TSC22D1: variants seen among roughly 807,000 people sequenced by gnomAD.
TSC22D1 encodes the protein TSC22 domain family protein 1.
In TSC22D1, 9 loss-of-function variants were observed where a neutral mutation model predicts 74.2. The observed-to-expected ratio is 0.12, with a 90% CI of 0.07 to 0.21. The LOEUF (loss-of-function observed/expected upper bound fraction) is 0.21. Ranked by LOEUF, TSC22D1 falls within the 10% of genes least tolerant of loss-of-function variation. The pLI is 1.00. For synonymous variants in TSC22D1, 586 were observed against 492.5 expected (o/e 1.19, Z -2.51); for missense variants, 1,427 against 1,304.7 (o/e 1.09, Z -1.44).
At chr13:44,555,939 A>G (rs1243538183) in intron 1 of TSC22D1, among the ~76,000 whole-genome samples, 2 of 152,134 alleles carry the variant, frequency 1.3e-5, no homozygotes, top group African/African-American at 4.8e-5. Flanking sequence ...ATACTAAATA[A>G]GTAAAATATC....
At chr13:44,517,766 T>TACATACAC (rs757726882) in intron 1 of TSC22D1, among the ~76,000 whole-genome samples, 18 of 128,480 alleles carry the variant, frequency 1.4e-4, no homozygotes, top group Non-Finnish European at 2.2e-4. Context: ...TGTGTGTGTA[T>TACATACAC]ATATATATAT....
At chr13:44,573,042 C>CATT in intron 1 of TSC22D1, 121 bp downstream of exon 1, 1 of 1,398,448 alleles carries the variant, frequency 7.2e-7, no homozygotes, top group South Asian at 1.5e-5. Context: ...CATAAAAATG[C>CATT]ATTTTTCACA....
chr13:44,576,101 A>G lies in TSC22D1; in HGVS notation c.-27T>C. The G allele has an allele frequency of 2.7e-6, 4 of 1,488,884 alleles. No individual in the cohort carries two copies. The highest frequency in any genetic ancestry group is 3.6e-6 in the Non-Finnish European group (4 of 1,126,098). 92.2% of individuals were successfully genotyped at this position (1,488,884 alleles called of 1,614,324 possible). On this transcript the variant is annotated 5_prime_UTR_variant, in exon 1 of 3. Transcript: ENST00000458659. ...GTGTTGGGTACCGGGGGCGCGGAGGAGACGAGTGCAATTTCCTTCTGCACC... is the reference window on the plus strand; with the variant it reads ...GTGTTGGGTACCGGGGGCGCGGAGGGGACGAGTGCAATTTCCTTCTGCACC...
chr13:44,444,086 C>T (rs1010902137), intron 1 of TSC22D1, among the ~76,000 whole-genome samples: 2 of 151,608 alleles, frequency 1.3e-5, no homozygotes, highest in African/African-American at 4.8e-5. Flanking sequence ...CAAGACCAGC[C>T]TGGCCAATAT....
chr13:44,572,708 A>G (rs530987604), intron 1 of TSC22D1, among the ~76,000 whole-genome samples: 34 of 152,354 alleles, frequency 2.2e-4, no homozygotes, highest in African/African-American at 7.7e-4. Flanking sequence ...GTAGGCAACA[A>G]TATCTTTCAC....
At position 44,546,050 on chromosome 13, in the gene TSC22D1, C is replaced by T. The variant is rs1881807747; in HGVS notation, c.2912+27113G>A. 3.3e-5 allele frequency among the ~76,000 whole-genome samples: 5 copies of T among 152,162 alleles called. No homozygotes were observed. In the South Asian group the frequency reaches 1.0e-3, roughly 32 times the overall value. ...GAAAAGAAAGACCATAGCAACAAAA[C>T]CACTTACGTTTTGCGAATTAGGCTG... On this transcript the variant is annotated intron_variant, in intron 1 of 2. Transcript: ENST00000458659.
intron 1 of TSC22D1, among the ~76,000 whole-genome samples, chr13:44,472,012 G>A (rs532460876): frequency 6.6e-6 from 1 of 152,332 alleles, no homozygotes; most frequent in Admixed American, 6.5e-5. Context: ...AAAGTGATTG[G>A]AGGATTCAAG....
chr13:44,495,639 G>T (rs1434470776), intron 1 of TSC22D1, among the ~76,000 whole-genome samples: 1 of 152,034 alleles, frequency 6.6e-6, no homozygotes, highest in African/African-American at 2.4e-5. Context: ...GAAGTAATTT[G>T]TAGCAACAAC....
chr13:44,437,218 G>T lies in TSC22D1; in HGVS notation c.2913-1123C>A, dbSNP rs749843865. On this transcript the variant is annotated intron_variant, in intron 1 of 2. Coordinates refer to ENST00000458659, the MANE Select transcript of TSC22D1 (RefSeq NM_183422.4). ...CCCGGTCCCCGGAGCTGTGTCCCGC[G>T]GCTGCTTAACGGCGAAAGCTTCCTA... 1.2e-5 allele frequency: 12 copies of T among 985,430 alleles called. No homozygotes were observed. The South Asian group carries it at 5.2e-4, about 42-fold the overall frequency. 61.0% of individuals were successfully genotyped at this position (985,430 alleles called of 1,614,324 possible).
At chr13:44,559,743 T>C (rs1437289250) in intron 1 of TSC22D1, among the ~76,000 whole-genome samples, 1 of 150,056 alleles carries the variant, frequency 6.7e-6, no homozygotes, top group Non-Finnish European at 1.5e-5. Context: ...CAGGCTGGAG[T>C]ACAGTGGCGT....
chr13:44,460,987 G>T (rs966540637), intron 1 of TSC22D1, among the ~76,000 whole-genome samples: 1 of 152,158 alleles, frequency 6.6e-6, no homozygotes, highest in African/African-American at 2.4e-5. Context: ...GTAGAACAGA[G>T]ATGTTTTCAG....
intron 1 of TSC22D1, among the ~76,000 whole-genome samples, chr13:44,565,470 A>G (rs944440665): frequency 6.6e-6 from 1 of 152,154 alleles, no homozygotes; most frequent in African/African-American, 2.4e-5. Context: ...GCTTTTGAAT[A>G]TATGTGAGAC....
chr13:44,555,152 C>T (rs906030900), intron 1 of TSC22D1, among the ~76,000 whole-genome samples: 2 of 151,662 alleles, frequency 1.3e-5, no homozygotes, highest in African/African-American at 2.4e-5. Context: ...TTGATCTTAG[C>T]CTGTCCATTT....
At chr13:44,514,291 C>T (rs1017329593) in intron 1 of TSC22D1, among the ~76,000 whole-genome samples, 1 of 151,850 alleles carries the variant, frequency 6.6e-6, no homozygotes, top group Non-Finnish European at 1.5e-5. Context: ...TAAAATAATT[C>T]CTTTATCGCC....
Position 44,574,301 on chromosome 13 carries a change from C to T in TSC22D1, c.1774G>A (p.Gly592Ser), listed in dbSNP as rs1884024397. 1 of 1,614,096 alleles carries T rather than the reference C, an allele frequency of 6.2e-7. No homozygotes were observed. Among genetic ancestry groups the T allele is most frequent in the Non-Finnish European group, 8.5e-7 (1 of 1,180,052 alleles). Reference protein sequence around the residue: ...VNVVGVTSALGQQPSISSLAQ... With the variant: ...VNVVGVTSALSQQPSISSLAQ... ...AAACTGGAAATGGAAGGCTGCTGAC[C>T]TAAAGCTGAAGTTACACCAACCACA... Residue 592 changes from glycine (G) to serine (S), a missense_variant, in exon 1 of 3, where the codon GGT becomes AGT. Around this residue, in one of 3 missense-constraint regions of TSC22D1, gnomAD observed 1,343 missense variants for 1,191.5 expected, o/e 1.13. Transcript: ENST00000458659.
chr13:44,561,468 T>C (rs989848255), intron 1 of TSC22D1, among the ~76,000 whole-genome samples: 9 of 152,216 alleles, frequency 5.9e-5, no homozygotes, highest in Non-Finnish European at 1.2e-4. Flanking sequence ...CATTTAAGGC[T>C]TTTCAAAGTT....
intron 2 of TSC22D1, chr13:44,435,303 TGCC>T (rs1448444742): frequency 6.1e-6 from 1 of 164,306 alleles, no homozygotes; most frequent in Non-Finnish European, 1.3e-5. Context: ...CCGAACATGT[TGCC>T]GCATTTTCTT....
intron 1 of TSC22D1, among the ~76,000 whole-genome samples, chr13:44,459,274 A>G (rs558648495): frequency 6.6e-6 from 1 of 152,304 alleles, no homozygotes; most frequent in Admixed American, 6.5e-5. Context: ...GCCTGTGGAA[A>G]GGAGCTATCC....
chr13:44,470,046 A>G (rs1877512892), intron 1 of TSC22D1, among the ~76,000 whole-genome samples: 1 of 152,216 alleles, frequency 6.6e-6, no homozygotes, highest in Non-Finnish European at 1.5e-5. Flanking sequence ...AGCCAGAGAA[A>G]GGATTGCTGC....
Sources: allele counts gnomAD v4.1 joint callset (sites outside exome capture counted in the v4.1 genomes callset), GRCh38; gene constraint gnomAD v4.1.1; regional missense constraint gnomAD v4.1.1; transcripts MANE v1.5; gene names NCBI Gene and HGNC (gene_info 2026-07-23, HGNC 2026-07-21).